CMTR1: variants seen among roughly 807,000 people sequenced by gnomAD.
CMTR1 encodes cap methyltransferase 1, also known as cap-specific mRNA (nucleoside-2'-O-)-methyltransferase 1.
A neutral mutation model predicts 107.0 loss-of-function variants in CMTR1; 39 were observed. The observed-to-expected ratio is 0.36, with a 90% confidence interval of 0.28 to 0.48. CMTR1 has a LOEUF of 0.48. CMTR1 is among the 20% of genes least tolerant of loss of function. The pLI is 0.99. For synonymous variants in CMTR1, 366 were observed against 379.5 expected, an observed-to-expected ratio of 0.96 and a Z score of 0.41; for missense variants, 672 against 1,064.9, an observed-to-expected ratio of 0.63 and a Z score of 5.14.
At chr6:37,454,102 T>C (rs1007717497) in intron 8 of CMTR1, among the ~76,000 whole-genome samples, 1 of 152,212 alleles carries the variant, frequency 6.6e-6, no homozygotes, top group African/African-American at 2.4e-5. Context: ...GGAAATTTCA[T>C]TCTAGAATTC....
At chr6:37,435,854 C>T in intron 2 of CMTR1, 92 bp downstream of exon 2, 1 of 1,343,150 alleles carries the variant, frequency 7.4e-7, no homozygotes, top group South Asian at 1.7e-5. Flanking sequence ...TAGTCCACTG[C>T]CCCTTGGTCC....
chr6:37,434,697 C>A (rs920731475), intron 1 of CMTR1, among the ~76,000 whole-genome samples: 2 of 149,978 alleles, frequency 1.3e-5, no homozygotes, highest in African/African-American at 4.9e-5. Flanking sequence ...GATCTCGGCT[C>A]ACTGCAACCT....
chr6:37,479,464 T>C lies in CMTR1; in HGVS notation c.2375+209T>C, dbSNP rs143880805. On this transcript the variant is annotated intron_variant, in intron 23 of 23. Transcript: ENST00000373451. ...GGTAGAGCTGGTGAGGGAAGCACGA[T>C]GCCTGGACCTGCTAATGGTTACGGG... Among the ~76,000 whole-genome samples the C allele has an allele frequency of 4.2e-3, 646 of 152,342 alleles. 5 individuals are homozygous for C. Among genetic ancestry groups the C allele is most frequent in the African/African-American group, 0.014 (570 of 41,580 alleles).
At chr6:37,427,083 G>A in the CMTR1 span, among the ~76,000 whole-genome samples, 104 of 152,280 alleles carry the variant, frequency 6.8e-4, no homozygotes, top group Middle Eastern at 3.4e-3. This position sits in a 1 kb window ranked among gnomAD's most constrained non-coding sequence, Gnocchi z 4.4. Context: ...CATGTGCACC[G>A]CTGTCTGCCA....
rs1191676731 is a variant in CMTR1, at chr6:37,470,246, A to C, written c.1506-775A>C. Among the ~76,000 whole-genome samples, 29 of 150,988 alleles carry C rather than the reference A, an allele frequency of 1.9e-4. 1 individual carries two copies. Among genetic ancestry groups the C allele is most frequent in the Admixed American group, 1.9e-3 (29 of 15,128 alleles). ...ACTGCAAGCTCCACCTCCTGGGTTC[A>C]CGCCATTCTCCTGCCTCAGCCTCCT... On this transcript the variant is annotated intron_variant, in intron 13 of 23. Transcript: ENST00000373451.
At chr6:37,476,783 G>A (rs945030162) in intron 20 of CMTR1, among the ~76,000 whole-genome samples, 1 of 152,186 alleles carries the variant, frequency 6.6e-6, no homozygotes, top group Non-Finnish European at 1.5e-5. Flanking sequence ...CCCTGCTCTC[G>A]GGAGCTTCAT....
intron 1 of CMTR1, among the ~76,000 whole-genome samples, chr6:37,435,077 T>G (rs958889582): frequency 6.6e-6 from 1 of 152,240 alleles, no homozygotes; most frequent in African/African-American, 2.4e-5. Context: ...GCTTAAAAAC[T>G]TTCCCAATTC....
chr6:37,440,351 T>C (rs753034448), intron 2 of CMTR1, among the ~76,000 whole-genome samples: 9 of 152,192 alleles, frequency 5.9e-5, no homozygotes, highest in Non-Finnish European at 1.0e-4. Context: ...GTGACAATTG[T>C]CTCCCTTTCA....
chr6:37,451,045 C>T (rs1057185311), intron 5 of CMTR1, among the ~76,000 whole-genome samples: 2 of 151,902 alleles, frequency 1.3e-5, no homozygotes, highest in Non-Finnish European at 2.9e-5. Context: ...GTACCACTCT[C>T]CTCACTCATT....
chr6:37,466,269 C>T (rs192233760), intron 13 of CMTR1, among the ~76,000 whole-genome samples: 24 of 151,910 alleles, frequency 1.6e-4, no homozygotes, highest in Middle Eastern at 6.8e-3. Context: ...CGTGCCACCA[C>T]GCCCAGCTAA....
At chr6:37,425,268 ATT>A in the CMTR1 span, among the ~76,000 whole-genome samples, 12 of 145,534 alleles carry the variant, frequency 8.2e-5, no homozygotes, top group African/African-American at 2.8e-4. Context: ...TTCTTGATTG[ATT>A]TTTTTTTTCT....
At chr6:37,446,167 A>G in intron 3 of CMTR1, 124 bp from the exon 4 acceptor site, 1 of 1,083,534 alleles carries the variant, frequency 9.2e-7, no homozygotes, top group Non-Finnish European at 1.3e-6. Context: ...CATTAGGCTA[A>G]GACAAACTTT....
chr6:37,433,227 C>T lies in CMTR1; in HGVS notation c.-157C>T, dbSNP rs7751388. Reference sequence around the variant, plus strand: ...TCATCAGGCTGCGCTGCCCGCAGTACTGGACCCGAGCGCGACGGTGCGGCT... The same window carrying T: ...TCATCAGGCTGCGCTGCCCGCAGTATTGGACCCGAGCGCGACGGTGCGGCT... On this transcript the variant is annotated 5_prime_UTR_variant, in exon 1 of 24. Transcript: ENST00000373451. 13,587 of 153,062 alleles carry T rather than the reference C, an allele frequency of 0.089. 1,130 individuals are homozygous for T. Among genetic ancestry groups the T allele is most frequent in the African/African-American group, 0.22 (9,102 of 41,560 alleles). The allele number at this position is 153,062 out of a possible 1,614,324, so 9.5% of individuals were successfully genotyped here.
intron 2 of CMTR1, among the ~76,000 whole-genome samples, chr6:37,440,122 T>G (rs1414264638): frequency 6.6e-6 from 1 of 152,224 alleles, no homozygotes; most frequent in Non-Finnish European, 1.5e-5. Flanking sequence ...CCGTACATAC[T>G]GTTTTGGGCT....
intron 17 of CMTR1, 67 bp from the exon 18 acceptor site, chr6:37,474,457 G>T (rs1761693372): frequency 6.3e-7 from 1 of 1,591,198 alleles, no homozygotes; most frequent in Non-Finnish European, 8.6e-7. Context: ...AAGCTCTTTT[G>T]AGAAGTAAGC....
At chr6:37,463,285 A>G (rs1209257649) in intron 13 of CMTR1, among the ~76,000 whole-genome samples, 1 of 152,206 alleles carries the variant, frequency 6.6e-6, no homozygotes, top group Non-Finnish European at 1.5e-5. Flanking sequence ...AAGCTGACAG[A>G]GCAGCCTGTG....
At chr6:37,478,144 C>T (rs1467688280) in intron 21 of CMTR1, among the ~76,000 whole-genome samples, 1 of 152,088 alleles carries the variant, frequency 6.6e-6, no homozygotes, top group Non-Finnish European at 1.5e-5. Flanking sequence ...TCAGATCTCA[C>T]CCTTACTGGT....
the CMTR1 span, among the ~76,000 whole-genome samples, chr6:37,428,012 GA>G: frequency 8.9e-3 from 466 of 52,406 alleles, 2 homozygotes; most frequent in African/African-American, 0.048. Context: ...CAGAGACAGA[GA>G]GAGAGAGAGA....
At position 37,466,410 on chromosome 6, in the gene CMTR1, G is replaced by A. The variant is rs777684094; in HGVS notation, c.1505+3402G>A. ...CGGCCTCCCAAAGTGCTGGAATTAC[G>A]GGTGTGAACCACTGCACCCGGCCGA... is the stretch of plus-strand genomic sequence containing the variant. On this transcript the variant is annotated intron_variant, in intron 13 of 23. Coordinates refer to ENST00000373451, the MANE Select transcript of CMTR1 (RefSeq NM_015050.3). 3.9e-5 allele frequency among the ~76,000 whole-genome samples: 6 copies of A among 152,016 alleles called. No individual in the cohort carries two copies. The South Asian group carries it at 6.2e-4, about 16-fold the overall frequency.
Sources: allele counts gnomAD v4.1 joint callset (sites outside exome capture counted in the v4.1 genomes callset), GRCh38; gene constraint gnomAD v4.1.1; non-coding constraint Gnocchi (gnomAD v3.1); transcripts MANE v1.5; gene names NCBI Gene and HGNC (gene_info 2026-07-23, HGNC 2026-07-21).